The following SHLD1 variants were observed in gnomAD, a reference collection of about 807,000 sequenced individuals.
SHLD1 encodes shieldin complex subunit 1.
SHLD1 carries 3 observed loss-of-function variants against 5.5 expected under a neutral mutation model. The ratio of observed to expected loss-of-function variants is 0.54; its 90% CI spans 0.25 to 1.40. The LOEUF is 1.40. SHLD1 is among the 40% of genes most tolerant of loss of function. The pLI, the probability that SHLD1 is intolerant of heterozygous loss-of-function variation, is 0.15. For synonymous variants in SHLD1, 92 were observed against 94.3 expected (o/e 0.98, Z 0.14); for missense variants, 210 against 244.4 (o/e 0.86, Z 0.94).
intron 2 of SHLD1, among the ~76,000 whole-genome samples, chr20:5,799,988 G>A (rs866617955): frequency 7.9e-5 from 11 of 138,574 alleles, no homozygotes; most frequent in Admixed American, 2.3e-4. Context: ...AAGGCCATAC[G>A]TGATTATTGC....
intron 2 of SHLD1, among the ~76,000 whole-genome samples, chr20:5,842,381 G>A (rs1226002284): frequency 2.0e-5 from 3 of 152,116 alleles, no homozygotes; most frequent in South Asian, 2.1e-4. Context: ...TATTTTGGTC[G>A]ATCTGGCCAG....
chr20:5,755,524 G>A (rs1289048370), intron 1 of SHLD1, among the ~76,000 whole-genome samples: 3 of 152,012 alleles, frequency 2.0e-5, no homozygotes, highest in East Asian at 1.9e-4. Context: ...GAAAGGTTGG[G>A]GGCTACTGTA....
chr20:5,766,784 T>G lies in SHLD1; in HGVS notation c.-4-6078T>G, dbSNP rs572591364. On this transcript the variant is annotated intron_variant, in intron 1 of 2. Coordinates refer to ENST00000303142, the MANE Select transcript of SHLD1 (RefSeq NM_152504.4). ...AAAATTAATTATATTTTTTCTCTTC[T>G]TATAGCGTCAGGGTCTGGCTATGTT... Among the ~76,000 whole-genome samples, 22 of 152,322 alleles carry G rather than the reference T, an allele frequency of 1.4e-4. No individual in the cohort carries two copies. In the East Asian group the frequency reaches 4.2e-3, roughly 29 times the overall value.
intron 1 of SHLD1, among the ~76,000 whole-genome samples, chr20:5,755,183 T>C (rs1419246357): frequency 1.3e-5 from 2 of 152,174 alleles, no homozygotes; most frequent in East Asian, 3.8e-4. Flanking sequence ...AAATATCTCT[T>C]ACAAGGCCTT....
intron 2 of SHLD1, among the ~76,000 whole-genome samples, chr20:5,833,893 T>C (rs1425183043): frequency 1.3e-5 from 2 of 152,154 alleles, no homozygotes; most frequent in African/African-American, 4.8e-5. Flanking sequence ...TTCCATTTGC[T>C]CTAACGCTTA....
chr20:5,848,350 G>C (rs1050517562), intron 2 of SHLD1, among the ~76,000 whole-genome samples: 7 of 152,320 alleles, frequency 4.6e-5, no homozygotes, highest in African/African-American at 1.4e-4. Context: ...GAACAGCCTG[G>C]CCAACATGGC....
intron 1 of SHLD1, among the ~76,000 whole-genome samples, chr20:5,758,998 G>A (rs1023508495): frequency 6.9e-5 from 9 of 130,758 alleles, no homozygotes; most frequent in Admixed American, 8.9e-5. Flanking sequence ...ACTGCCCACC[G>A]GGATAGAGTG....
intron 2 of SHLD1, among the ~76,000 whole-genome samples, chr20:5,791,250 CAAATAAATA>C (rs58617218): frequency 0.56 from 84,122 of 151,270 alleles, 24,033 homozygotes; most frequent in East Asian, 0.78. Flanking sequence ...AAAATCTTAG[CAAATAAATA>C]AAAGTTATAA....
At chr20:5,844,826 A>T (rs1294239318) in intron 2 of SHLD1, among the ~76,000 whole-genome samples, 4 of 124,912 alleles carry the variant, frequency 3.2e-5, no homozygotes, top group African/African-American at 6.4e-5. Flanking sequence ...ACACAGTCTC[A>T]CTCTGTCGCC....
chr20:5,862,942 A>G, intron 2 of SHLD1, 82 bp from the exon 3 acceptor site: 1 of 1,254,578 alleles, frequency 8.0e-7, no homozygotes, highest in South Asian at 1.5e-5. Flanking sequence ...GTTGAACTGA[A>G]AATAGACATC....
intron 2 of SHLD1, among the ~76,000 whole-genome samples, chr20:5,809,271 A>G (rs2122367266): frequency 6.6e-6 from 1 of 152,292 alleles, no homozygotes; most frequent in East Asian, 1.9e-4. Flanking sequence ...CCATGAAACA[A>G]ATACTAACTA....
intron 2 of SHLD1, among the ~76,000 whole-genome samples, chr20:5,833,026 T>G (rs1262138401): frequency 6.6e-6 from 1 of 151,884 alleles, no homozygotes; most frequent in East Asian, 1.9e-4. Flanking sequence ...CAGTGTTGCA[T>G]GGCTGACGTG....
intron 2 of SHLD1, among the ~76,000 whole-genome samples, chr20:5,780,757 C>A (rs1985648372): frequency 6.6e-6 from 1 of 152,212 alleles, no homozygotes; most frequent in Non-Finnish European, 1.5e-5. Flanking sequence ...TTCTTCATCT[C>A]AGGATTGCTC....
rs73596813 is a variant in SHLD1 at position 5,815,613 on chromosome 20, A to C, written c.178+42570A>C. On this transcript the variant is annotated intron_variant, in intron 2 of 2. Coordinates refer to ENST00000303142, the MANE Select transcript of SHLD1 (RefSeq NM_152504.4). Reference sequence around the variant, plus strand: ...TGTAACTGGGCATTGAAGGTCCACAAAGCCTAAAATATTTACTATCTGGCC... The same window carrying C: ...TGTAACTGGGCATTGAAGGTCCACACAGCCTAAAATATTTACTATCTGGCC... Among the ~76,000 whole-genome samples, 570 of 152,336 alleles carry C rather than the reference A, an allele frequency of 3.7e-3. 2 individuals carry two copies. The highest frequency in any genetic ancestry group is 0.013 in the African/African-American group (549 of 41,578).
At chr20:5,841,455 CA>C (rs140282469) in intron 2 of SHLD1, among the ~76,000 whole-genome samples, 4,443 of 152,064 alleles carry the variant, frequency 0.029, 103 homozygotes, top group Middle Eastern at 0.11. Flanking sequence ...ACTTAGAGGT[CA>C]AAAAAATTTA....
At chr20:5,773,135 A>G (rs780396414) in intron 2 of SHLD1, 92 bp downstream of exon 2, 1 of 1,357,414 alleles carries the variant, frequency 7.4e-7, no homozygotes, top group Non-Finnish European at 1.1e-6. Context: ...CCAATAGCAG[A>G]TCTCTGAGAA....
intron 2 of SHLD1, among the ~76,000 whole-genome samples, chr20:5,857,837 C>T (rs931574801): frequency 9.9e-5 from 15 of 151,946 alleles, no homozygotes; most frequent in African/African-American, 2.9e-4. Context: ...CCCTGGCTCA[C>T]GCCTGTAATT....
intron 2 of SHLD1, among the ~76,000 whole-genome samples, chr20:5,782,756 TA>T (rs548914605): frequency 0.013 from 1,923 of 152,098 alleles, 67 homozygotes; most frequent in Admixed American, 0.076. Context: ...TATTTAAGAG[TA>T]AAAAAAAGTT....
intron 2 of SHLD1, among the ~76,000 whole-genome samples, chr20:5,831,833 C>T (rs1030146728): frequency 6.6e-6 from 1 of 152,192 alleles, no homozygotes; most frequent in African/African-American, 2.4e-5. Flanking sequence ...GGTAAACACT[C>T]ATAATCCTTC....
Sources: gnomAD v4.1 joint callset for allele counts (sites outside exome capture counted in the v4.1 genomes callset) on GRCh38, gnomAD v4.1.1 for gene constraint, MANE v1.5 for transcripts, NCBI Gene and HGNC (gene_info 2026-07-23, HGNC 2026-07-21) for gene names.